The following TOM1 variants were observed in gnomAD, a reference collection of about 807,000 sequenced individuals.
TOM1 encodes target of myb1 membrane trafficking protein.
Under a neutral mutation model 61.3 loss-of-function variants are expected in TOM1, and 38 were observed. The observed-to-expected ratio is 0.62, with a 90% confidence interval of 0.48 to 0.81. The LOEUF (loss-of-function observed/expected upper bound fraction) is 0.81. TOM1 is among the 40% of genes least tolerant of loss of function. TOM1 has a pLI of 0.00. For synonymous variants in TOM1, 270 were observed against 268.8 expected (o/e 1.00, Z -0.04); for missense variants, 591 against 659.6 (o/e 0.90, Z 1.14).
At chr22:35,319,196 G>A (rs937330411) in intron 2 of TOM1, among the ~76,000 whole-genome samples, 1 of 152,146 alleles carries the variant, frequency 6.6e-6, no homozygotes, top group Non-Finnish European at 1.5e-5. Context: ...CATGGACGTC[G>A]CAGCTGCAAG....
chr22:35,305,658 CAAAA>C (rs137868113), intron 1 of TOM1, among the ~76,000 whole-genome samples: 8 of 130,492 alleles, frequency 6.1e-5, no homozygotes, highest in Non-Finnish European at 9.4e-5. Context: ...GACTCAATCT[CAAAA>C]AAAAAAAAAA....
intron 11 of TOM1, 87 bp downstream of exon 11, chr22:35,334,535 G>A (rs1456528502): frequency 6.6e-7 from 1 of 1,508,844 alleles, no homozygotes; most frequent in Non-Finnish European, 9.1e-7. Context: ...CACACCATGA[G>A]GAAGGGCACA....
chr22:35,299,830 C>A, upstream of TOM1: 3 of 1,401,996 alleles, frequency 2.1e-6, no homozygotes, highest in South Asian at 3.7e-5. Flanking sequence ...CCCGCCCACG[C>A]CTCCTCGCCG....
chr22:35,302,996 C>T (rs577550842), intron 1 of TOM1, among the ~76,000 whole-genome samples: 8 of 152,308 alleles, frequency 5.3e-5, no homozygotes, highest in East Asian at 1.9e-4. Context: ...AGCCTGCCGA[C>T]TCCCATGCCC....
intron 1 of TOM1, among the ~76,000 whole-genome samples, chr22:35,302,216 A>C (rs1443647194): frequency 6.6e-6 from 1 of 151,770 alleles, no homozygotes; most frequent in Admixed American, 6.6e-5. Flanking sequence ...CAGAATTCCT[A>C]GGAGGGCTTG....
chr22:35,339,899 G>A (rs983641362), intron 12 of TOM1, among the ~76,000 whole-genome samples: 23 of 116,598 alleles, frequency 2.0e-4, no homozygotes, highest in African/African-American at 5.3e-4. Flanking sequence ...GCGAGACTCC[G>A]TCTCAAAAAA....
intron 13 of TOM1, 103 bp from the exon 14 acceptor site, chr22:35,346,827 C>G: frequency 1.8e-6 from 2 of 1,102,662 alleles, no homozygotes; most frequent in Non-Finnish European, 2.7e-6. Context: ...AGCTGGGACC[C>G]AGTGCTGAGG....
chr22:35,327,411 G>A, intron 7 of TOM1, 24 bp downstream of exon 7: 1 of 1,562,780 alleles, frequency 6.4e-7, no homozygotes, highest in Non-Finnish European at 8.8e-7. Flanking sequence ...ACCACCCCCT[G>A]GGGCTCAGAT....
At chr22:35,337,195 C>T (rs1929425052) in intron 11 of TOM1, among the ~76,000 whole-genome samples, 1 of 152,202 alleles carries the variant, frequency 6.6e-6, no homozygotes, top group African/African-American at 2.4e-5. Flanking sequence ...CTTGGCCTCC[C>T]AAAGTGCTGG....
chr22:35,300,068 G>A, intron 1 of TOM1, 88 bp downstream of exon 1: 6 of 1,459,322 alleles, frequency 4.1e-6, no homozygotes, highest in Non-Finnish European at 5.6e-6. Flanking sequence ...CCTAGTCACG[G>A]AGGCAGGGAG....
At chr22:35,313,272 G>A (rs1014545319) in intron 1 of TOM1, among the ~76,000 whole-genome samples, 4 of 151,866 alleles carry the variant, frequency 2.6e-5, no homozygotes, top group Admixed American at 6.6e-5. Context: ...GCTTAAACCC[G>A]GGAGGCAGAG....
At chr22:35,335,513 C>G (rs2145699586) in intron 11 of TOM1, 1 of 152,760 alleles carries the variant, frequency 6.5e-6, no homozygotes. Flanking sequence ...GGCTACCCTG[C>G]AAAGGCAAGC....
intron 1 of TOM1, among the ~76,000 whole-genome samples, chr22:35,308,753 G>A (rs1293377646): frequency 6.6e-6 from 1 of 152,136 alleles, no homozygotes; most frequent in African/African-American, 2.4e-5. Context: ...TTCTTACCTG[G>A]GGAGTTTTAG....
Position 35,322,045 on chromosome 22 carries a change from C to T in TOM1, c.216+8C>T. 6.2e-7 allele frequency: 1 copy of T among 1,613,352 alleles called. No individual in the cohort carries two copies. Among genetic ancestry groups the T allele is most frequent in the Non-Finnish European group, 8.5e-7 (1 of 1,179,322 alleles). On this transcript the variant is annotated splice_region_variant and intron_variant, in intron 3 of 14. Coordinates refer to ENST00000449058, the MANE Select transcript of TOM1 (RefSeq NM_005488.3). ...GTGATGCTGGCTCTCACAGTGAGTG[C>T]CCCATCTGTCTGTCCTGTGGCAGGA...
intron 1 of TOM1, among the ~76,000 whole-genome samples, chr22:35,306,711 G>C (rs117971694): frequency 0.033 from 5,049 of 151,602 alleles, 120 homozygotes; most frequent in South Asian, 0.059. Context: ...GTAATTATTA[G>C]CTGTTGTGAT....
intron 12 of TOM1, 196 bp from the exon 13 acceptor site, chr22:35,345,529 C>G (rs995417889): frequency 1.6e-6 from 1 of 614,598 alleles, no homozygotes; most frequent in Non-Finnish European, 2.9e-6. Flanking sequence ...GAGCCTGGTC[C>G]CCTGCTTAGT....
At chr22:35,319,740 G>A (rs1927607985) in intron 2 of TOM1, among the ~76,000 whole-genome samples, 1 of 152,236 alleles carries the variant, frequency 6.6e-6, no homozygotes, top group African/African-American at 2.4e-5. Context: ...CAGTGGCCAG[G>A]CCAAGACCAG....
chr22:35,303,452 A>G (rs1274463303), intron 1 of TOM1, among the ~76,000 whole-genome samples: 4 of 151,114 alleles, frequency 2.6e-5, no homozygotes, highest in Non-Finnish European at 5.9e-5. Flanking sequence ...GTGTGAGTGT[A>G]TGGAAACATT....
intron 2 of TOM1, among the ~76,000 whole-genome samples, chr22:35,320,548 C>G (rs1176683422): frequency 6.6e-6 from 1 of 152,120 alleles, no homozygotes; most frequent in East Asian, 1.9e-4. Context: ...CACCCAAGAC[C>G]TTGGTCCAGG....
Sources: gnomAD v4.1 joint callset for allele counts (sites outside exome capture counted in the v4.1 genomes callset) on GRCh38, gnomAD v4.1.1 for gene constraint, MANE v1.5 for transcripts, NCBI Gene and HGNC (gene_info 2026-07-23, HGNC 2026-07-21) for gene names.